The following CTNNA3 variants were observed in gnomAD, a reference collection of about 807,000 sequenced individuals.
CTNNA3 encodes the protein catenin alpha-3.
In CTNNA3, 76 loss-of-function variants were observed where a neutral mutation model predicts 95.7. The observed-to-expected ratio is 0.79, with a 90% confidence interval of 0.66 to 0.96. The LOEUF (loss-of-function observed/expected upper bound fraction) is 0.96, where lower values mean the gene tolerates loss of function less well. CTNNA3 is among the 40% of genes least tolerant of loss of function. The pLI is 0.00. For missense variants in CTNNA3, 1,191 were observed against 1,089.8 expected (o/e 1.09, Z -1.31); for synonymous variants, 431 against 374.4 (o/e 1.15, Z -1.74).
chr10:67,476,004 G>A (rs1409018229), intron 5 of CTNNA3, among the ~76,000 whole-genome samples: 1 of 152,174 alleles, frequency 6.6e-6, no homozygotes, highest in Admixed American at 6.5e-5. Flanking sequence ...GAGGGCCGGG[G>A]CCAGGATGAT....
chr10:66,590,029 G>C (rs563009273), intron 10 of CTNNA3, among the ~76,000 whole-genome samples: 1 of 152,146 alleles, frequency 6.6e-6, no homozygotes, highest in East Asian at 1.9e-4. Context: ...AAGTTTGGTA[G>C]CCTAAAATAT....
At chr10:67,492,710 A>G (rs1838891327) in intron 5 of CTNNA3, among the ~76,000 whole-genome samples, 1 of 152,246 alleles carries the variant, frequency 6.6e-6, no homozygotes, top group African/African-American at 2.4e-5. Flanking sequence ...TTGTCCTGTG[A>G]GCTCTAGGGG....
chr10:66,345,037 C>T (rs887465241), intron 12 of CTNNA3, among the ~76,000 whole-genome samples: 1 of 151,844 alleles, frequency 6.6e-6, no homozygotes, highest in African/African-American at 2.4e-5. Flanking sequence ...GAGAGTAAAA[C>T]TCAGGAAAGA....
At chr10:67,132,934 G>T (rs1208551472) in intron 7 of CTNNA3, among the ~76,000 whole-genome samples, 1 of 151,446 alleles carries the variant, frequency 6.6e-6, no homozygotes, top group Non-Finnish European at 1.5e-5. Flanking sequence ...GGGGTGAGGG[G>T]GTATGAAGAG....
At chr10:66,911,379 T>C (rs982965611) in intron 7 of CTNNA3, among the ~76,000 whole-genome samples, 4 of 152,202 alleles carry the variant, frequency 2.6e-5, no homozygotes, top group African/African-American at 7.2e-5. Context: ...ATCACTATTA[T>C]AATGCAAAGA....
chr10:67,561,031 T>G (rs1202050115), intron 3 of CTNNA3, among the ~76,000 whole-genome samples: 1 of 149,048 alleles, frequency 6.7e-6, no homozygotes, highest in East Asian at 2.0e-4. Context: ...TCCCACACAA[T>G]AATAATGGGA....
At chr10:66,596,148 A>T (rs906901598) in intron 10 of CTNNA3, among the ~76,000 whole-genome samples, 1 of 152,020 alleles carries the variant, frequency 6.6e-6, no homozygotes, top group African/African-American at 2.4e-5. Context: ...TCTTGGGGAC[A>T]CTAGGAACAG....
Position 67,576,598 on chromosome 10 carries a change from C to T in CTNNA3, c.292+30259G>A, listed in dbSNP as rs1687528167. Among the ~76,000 whole-genome samples, 5 of 149,224 alleles carry T rather than the reference C, an allele frequency of 3.4e-5. No homozygotes were observed. In the South Asian group the frequency reaches 1.1e-3, roughly 32 times the overall value. ...CTTTAAATTTTAGGGTACATGTGCA[C>T]AATGTGCAAGTTAGTTACATATGTA... On this transcript the variant is annotated intron_variant, in intron 3 of 17. Coordinates refer to ENST00000433211, the MANE Select transcript of CTNNA3 (RefSeq NM_013266.4).
chr10:66,536,222 C>T (rs1437840000), intron 10 of CTNNA3, among the ~76,000 whole-genome samples: 1 of 151,514 alleles, frequency 6.6e-6, no homozygotes, highest in Non-Finnish European at 1.5e-5. Context: ...TGGCTCACAC[C>T]TGTAAACCCA....
At chr10:66,768,870 A>T (rs1346246908) in intron 8 of CTNNA3, among the ~76,000 whole-genome samples, 1 of 152,170 alleles carries the variant, frequency 6.6e-6, no homozygotes, top group Non-Finnish European at 1.5e-5. Context: ...GAATACTAAG[A>T]GGTTATTGAT....
chr10:66,498,726 A>G (rs1351178232), intron 11 of CTNNA3, among the ~76,000 whole-genome samples: 1 of 152,184 alleles, frequency 6.6e-6, no homozygotes, highest in Non-Finnish European at 1.5e-5. Context: ...ATTCTGTGCA[A>G]TTACACAGCT....
intron 13 of CTNNA3, 101 bp downstream of exon 13, chr10:66,280,369 G>T: frequency 2.9e-6 from 3 of 1,025,984 alleles, no homozygotes; most frequent in Middle Eastern, 2.1e-4. Context: ...TTTCAGCATT[G>T]ACATTACAGC....
chr10:67,471,935 T>C (rs1278868141), intron 5 of CTNNA3, among the ~76,000 whole-genome samples: 2 of 152,224 alleles, frequency 1.3e-5, no homozygotes, highest in African/African-American at 2.4e-5. Context: ...ATGGAAACCA[T>C]TGCTCTTTAG....
chr10:67,019,322 G>A (rs773023362), intron 7 of CTNNA3, among the ~76,000 whole-genome samples: 11 of 152,122 alleles, frequency 7.2e-5, no homozygotes, highest in East Asian at 1.9e-4. Flanking sequence ...GGGTCCAAGC[G>A]CTTCTCCTGC....
intron 15 of CTNNA3, among the ~76,000 whole-genome samples, chr10:66,010,042 G>A (rs2078974084): frequency 6.6e-6 from 1 of 152,160 alleles, no homozygotes; most frequent in African/African-American, 2.4e-5. Flanking sequence ...ATGGAAGGAA[G>A]AAAAAGGTAT....
intron 5 of CTNNA3, among the ~76,000 whole-genome samples, chr10:67,237,119 G>GGTGT (rs1353293884): frequency 4.4e-5 from 2 of 45,174 alleles, no homozygotes; most frequent in African/African-American, 1.3e-4. Flanking sequence ...AAGAAACTAT[G>GGTGT]GTGTATGTAT....
At chr10:66,548,540 T>G (rs541531669) in intron 10 of CTNNA3, among the ~76,000 whole-genome samples, 2 of 152,288 alleles carry the variant, frequency 1.3e-5, no homozygotes, top group East Asian at 3.9e-4. Flanking sequence ...GTATCATTAT[T>G]CCATTAGATG....
At position 65,988,696 on chromosome 10, in the gene CTNNA3, T is replaced by A; in HGVS notation, c.2261A>T (p.Asn754Ile). 2.5e-6 allele frequency: 4 copies of A among 1,612,760 alleles called. No homozygotes were observed. Among genetic ancestry groups the A allele is most frequent in the Non-Finnish European group, 3.4e-6 (4 of 1,178,870 alleles). ...RMDVLARQIA[N>I]QCPDPSCKQD... ...GTCCACTTGTAAGTAACTCACCTGA[T>A]TAGCAATCTGCCGAGCAAGGACATC... Residue 754 changes from asparagine (N) to isoleucine (I), a missense_variant, in exon 16 of 18, where the codon AAT becomes ATT. By Grantham distance (149) the Asn-to-Ile change is moderately radical (BLOSUM62 -3). Transcript: ENST00000433211.
intron 11 of CTNNA3, among the ~76,000 whole-genome samples, chr10:66,407,586 A>AT (rs34735022): frequency 0.012 from 1,838 of 147,644 alleles, 46 homozygotes; most frequent in African/African-American, 0.043. Flanking sequence ...ACTTTTACAT[A>AT]TTTTTTTTTT....
Sources: gnomAD v4.1 joint callset for allele counts (sites outside exome capture counted in the v4.1 genomes callset) on GRCh38, gnomAD v4.1.1 for gene constraint, MANE v1.5 for transcripts, NCBI Gene and HGNC (gene_info 2026-07-23, HGNC 2026-07-21) for gene names.